Variants in NRG1 observed in about 807,000 individuals in gnomAD.
NRG1 encodes the protein neuregulin 1.
NRG1 carries 18 observed loss-of-function variants against 63.8 expected under a neutral mutation model. The observed-to-expected ratio is 0.28, with a 90% CI of 0.19 to 0.42. NRG1 has a LOEUF of 0.42. Ranked by LOEUF, NRG1 falls within the 10% of genes least tolerant of loss-of-function variation. The probability of loss-of-function intolerance (pLI) is 1.00; values close to 1 mark genes in which losing one functional copy is unlikely to be tolerated. For missense variants in NRG1, 762 were observed against 814.7 expected (o/e 0.94, Z 0.79); for synonymous variants, 302 against 301.3 (o/e 1.00, Z -0.02).
intron 1 of NRG1, among the ~76,000 whole-genome samples, chr8:32,071,610 A>T (rs2131038104): frequency 6.6e-6 from 1 of 152,352 alleles, no homozygotes; most frequent in African/African-American, 2.4e-5. Context: ...TATTCCCAAT[A>T]TGACCGTGGA....
At chr8:32,360,768 A>G (rs1053801138) in intron 1 of NRG1, among the ~76,000 whole-genome samples, 1 of 152,160 alleles carries the variant, frequency 6.6e-6, no homozygotes, top group Non-Finnish European at 1.5e-5. Flanking sequence ...TTCCTGTAAC[A>G]GTTGCCCCCA....
At chr8:32,356,481 C>A (rs1260594873) in intron 1 of NRG1, among the ~76,000 whole-genome samples, 3 of 129,370 alleles carry the variant, frequency 2.3e-5, no homozygotes, top group South Asian at 3.1e-4. Context: ...GGGACCCCCC[C>A]CCCACCCGCC....
At chr8:32,252,748 T>C (rs1238356407) in intron 1 of NRG1, among the ~76,000 whole-genome samples, 1 of 152,200 alleles carries the variant, frequency 6.6e-6, no homozygotes, top group Non-Finnish European at 1.5e-5. Flanking sequence ...AATAGTAGCT[T>C]GATGGGGATA....
chr8:31,851,260 G>T (rs1165794215), intron 1 of NRG1, among the ~76,000 whole-genome samples: 1 of 152,090 alleles, frequency 6.6e-6, no homozygotes, highest in Non-Finnish European at 1.5e-5. Flanking sequence ...GGTGTCTTGG[G>T]AGTAGCCTTA....
At chr8:31,664,241 A>G (rs1806300414) in intron 1 of NRG1, among the ~76,000 whole-genome samples, 1 of 152,144 alleles carries the variant, frequency 6.6e-6, no homozygotes, top group Non-Finnish European at 1.5e-5. Context: ...ATTCTTCCTA[A>G]AGGAAGAAGC....
chr8:32,098,822 G>A (rs1271509349), intron 1 of NRG1: 2 of 152,148 alleles, frequency 1.3e-5, no homozygotes, highest in Non-Finnish European at 2.9e-5. Flanking sequence ...ATAGCACTGG[G>A]GCACAAAACC....
intron 1 of NRG1, among the ~76,000 whole-genome samples, chr8:32,492,445 G>T (rs1310679628): frequency 2.1e-5 from 3 of 143,142 alleles, no homozygotes; most frequent in African/African-American, 2.6e-5. Flanking sequence ...TCTGTAGAAA[G>T]CATACATCCA....
chr8:31,929,229 G>T (rs913650906), intron 1 of NRG1, among the ~76,000 whole-genome samples: 4 of 151,984 alleles, frequency 2.6e-5, no homozygotes, highest in African/African-American at 9.7e-5. Context: ...CCTTTTTAAG[G>T]TTAAAACATG....
intron 1 of NRG1, among the ~76,000 whole-genome samples, chr8:31,833,453 T>C (rs1306292136): frequency 5.3e-5 from 8 of 152,172 alleles, no homozygotes; most frequent in Admixed American, 2.0e-4. Flanking sequence ...GAAAAGAACA[T>C]CCCTGCAAAA....
intron 1 of NRG1, among the ~76,000 whole-genome samples, chr8:32,495,925 G>A (rs918057050): frequency 6.6e-6 from 1 of 152,200 alleles, no homozygotes; most frequent in Non-Finnish European, 1.5e-5. Context: ...TCTCTAACTT[G>A]TGAAATAAGA....
Position 32,416,666 on chromosome 8 carries a change from CGTT to C in NRG1, c.38-179155_38-179153del, listed in dbSNP as rs562977914. Among the ~76,000 whole-genome samples the C allele has an allele frequency of 4.3e-3, 657 of 151,836 alleles. 4 individuals carry two copies. Among genetic ancestry groups the C allele is most frequent in the African/African-American group, 0.015 (629 of 41,396 alleles). On this transcript the variant is annotated intron_variant, in intron 1 of 10. Transcript: ENST00000519301. ...GTTTTTGTTTGTTTGTTTGTTTTGT[CGTT>C]GTTGTTTGTTTTTTGTGGTTGTTTT...
At chr8:32,515,568 A>AT (rs921473349) in intron 1 of NRG1, among the ~76,000 whole-genome samples, 3 of 151,966 alleles carry the variant, frequency 2.0e-5, no homozygotes, top group Non-Finnish European at 2.9e-5. Context: ...CTCAGCCCCC[A>AT]AATAGCTGGA....
chr8:31,648,379 G>A (rs1804511217), intron 1 of NRG1, among the ~76,000 whole-genome samples: 2 of 151,828 alleles, frequency 1.3e-5, no homozygotes, highest in East Asian at 1.9e-4. Context: ...TGATCCGCCC[G>A]TCTCGGCCTC....
intron 1 of NRG1, among the ~76,000 whole-genome samples, chr8:32,280,429 G>C (rs1413303120): frequency 6.6e-6 from 1 of 152,120 alleles, no homozygotes; most frequent in Admixed American, 6.6e-5. Context: ...CCAAAAATTT[G>C]GTTCGATTTG....
intron 1 of NRG1, among the ~76,000 whole-genome samples, chr8:31,739,855 G>C (rs1347783170): frequency 6.6e-6 from 1 of 152,036 alleles, no homozygotes; most frequent in Non-Finnish European, 1.5e-5. Flanking sequence ...GAATAAAAGA[G>C]TTGGGATTGT....
intron 1 of NRG1, among the ~76,000 whole-genome samples, chr8:31,817,720 T>C (rs1823591635): frequency 6.6e-6 from 1 of 152,190 alleles, no homozygotes; most frequent in Admixed American, 6.5e-5. Context: ...AACAAAAGCA[T>C]TGAACATCCT....
intron 1 of NRG1, among the ~76,000 whole-genome samples, chr8:32,118,637 G>A (rs761995807): frequency 2.8e-4 from 42 of 152,144 alleles, no homozygotes; most frequent in Non-Finnish European, 5.3e-4. Flanking sequence ...TATTTTGGCA[G>A]TTGTAATAGC....
In NRG1 at chr8:32,044,193, ATGAC is replaced by A. The variant is rs1416464015; in HGVS notation, c.37+404765_37+404768del. On this transcript the variant is annotated intron_variant, in intron 1 of 10. Coordinates refer to the NRG1 transcript ENST00000519301. ...CAAAATAGACTTCAAAGCAAGGAAA[ATGAC>A]TGGGAATAAAGATGACATTAAATAA... Among the ~76,000 whole-genome samples, 3 of 151,950 alleles carry A rather than the reference ATGAC, an allele frequency of 2.0e-5. No homozygotes were observed. In the East Asian group the frequency reaches 5.8e-4, roughly 29 times the overall value.
At chr8:31,796,581 C>T (rs112608526) in intron 1 of NRG1, among the ~76,000 whole-genome samples, 4,975 of 151,602 alleles carry the variant, frequency 0.033, 308 homozygotes, top group African/African-American at 0.11. Flanking sequence ...GACAGGCTCC[C>T]GCCACCACAC....
Sources: allele counts gnomAD v4.1 joint callset (sites outside exome capture counted in the v4.1 genomes callset), GRCh38; gene constraint gnomAD v4.1.1; transcripts MANE v1.5; gene names NCBI Gene and HGNC (gene_info 2026-07-23, HGNC 2026-07-21).